Variants in DENND4A observed in about 807,000 individuals in gnomAD.
The protein encoded by DENND4A is C-myc promoter-binding protein.
In DENND4A, 70 loss-of-function variants were observed where a neutral mutation model predicts 199.3. That is an observed-to-expected ratio of 0.35 (90% confidence interval 0.29 to 0.43). DENND4A has a LOEUF of 0.43. Ranked by LOEUF, DENND4A falls within the 20% of genes least tolerant of loss-of-function variation. The probability of loss-of-function intolerance (pLI) is 1.00; values close to 1 mark genes in which losing one functional copy is unlikely to be tolerated. For missense variants in DENND4A, 1,723 were observed against 2,255.8 expected, an observed-to-expected ratio of 0.76 and a Z score of 4.78; for synonymous variants, 686 against 766.9, an observed-to-expected ratio of 0.89 and a Z score of 1.74.
In DENND4A at chr15:65,764,972, C is replaced by CAAAAA. The variant is rs35902836; in HGVS notation, c.-101-3539_-101-3535dup. On this transcript the variant is annotated intron_variant, in intron 1 of 32. Coordinates refer to ENST00000443035, the MANE Select transcript of DENND4A (RefSeq NM_001320835.1). Reference sequence around the variant, plus strand: ...GGGTGACAGAGCGAGACCCTGTCTCCAAAAAAAAAAAAAAAAAAAGTAACA... The same window carrying CAAAAA: ...GGGTGACAGAGCGAGACCCTGTCTCCAAAAAAAAAAAAAAAAAAAAAAAAGTAACA... Among the ~76,000 whole-genome samples the CAAAAA allele has an allele frequency of 8.8e-3, 844 of 95,642 alleles. 6 individuals are homozygous for CAAAAA. The highest frequency in any genetic ancestry group is 0.027 in the African/African-American group (705 of 25,720). 62.7% of individuals were successfully genotyped at this position (95,642 alleles called of 152,430 possible). A position where few individuals can be genotyped will look rare whatever the true frequency, so the allele number is the denominator to read the frequency against.
intron 11 of DENND4A, among the ~76,000 whole-genome samples, chr15:65,725,559 C>T (rs929866233): frequency 6.6e-6 from 1 of 151,914 alleles, no homozygotes; most frequent in African/African-American, 2.4e-5. Context: ...CACCTGTGGT[C>T]CCAGCTACTC....
rs143881569 is a variant in DENND4A, at chr15:65,674,721, G to A, written c.4369+1724C>T. On this transcript the variant is annotated intron_variant, in intron 24 of 32. Transcript: ENST00000443035. The stretch of plus-strand genomic sequence containing the variant: ...TGTACTCCAGCCTGAGCAACAGAGT[G>A]AGACCCTATCTTAAAAAAAAAAAAA... Among the ~76,000 whole-genome samples, 55 of 148,894 alleles carry A rather than the reference G, an allele frequency of 3.7e-4. 2 individuals carry two copies. The highest frequency in any genetic ancestry group is 1.3e-3 in the African/African-American group (54 of 40,330).
At chr15:65,676,244 G>C (rs2076380080) in intron 24 of DENND4A, among the ~76,000 whole-genome samples, 1 of 140,770 alleles carries the variant, frequency 7.1e-6, no homozygotes, top group African/African-American at 3.2e-5. Context: ...TCTAGGGATA[G>C]GGAGAAAACA....
chr15:65,741,374 G>A (rs2076257029), intron 5 of DENND4A, among the ~76,000 whole-genome samples: 1 of 152,138 alleles, frequency 6.6e-6, no homozygotes, highest in South Asian at 2.1e-4. Flanking sequence ...ATGATTTCAT[G>A]TGAACTACAG....
At chr15:65,705,651 T>C (rs753857380) in intron 15 of DENND4A, among the ~76,000 whole-genome samples, 2 of 152,164 alleles carry the variant, frequency 1.3e-5, no homozygotes, top group Non-Finnish European at 2.9e-5. Context: ...AAAAATTATA[T>C]CGTACAAATC....
intron 29 of DENND4A, 128 bp from the exon 30 acceptor site, chr15:65,665,590 T>A: frequency 4.8e-6 from 3 of 622,542 alleles, no homozygotes; most frequent in Non-Finnish European, 7.7e-6. Flanking sequence ...AGAAAAAGAC[T>A]GATTTATCTA....
At chr15:65,732,859 G>A (rs746428977) in intron 7 of DENND4A, 41 bp from the exon 8 acceptor site, 15 of 1,219,668 alleles carry the variant, frequency 1.2e-5, no homozygotes, top group Middle Eastern at 3.8e-4. Context: ...CAAAGTGAAC[G>A]TCATATGCTA....
Position 65,772,072 on chromosome 15 carries a change from G to A in DENND4A, c.-101-10634C>T, listed in dbSNP as rs185996594. 1,074 of 1,215,396 alleles carry A rather than the reference G, an allele frequency of 8.8e-4. 8 individuals are homozygous for A. The highest frequency in any genetic ancestry group is 2.4e-4 in the East Asian group (10 of 42,478). The allele number at this position is 1,215,396 out of a possible 1,614,324, so 75.3% of individuals were successfully genotyped here. A position where few individuals can be genotyped will look rare whatever the true frequency, so the allele number is the denominator to read the frequency against. On this transcript the variant is annotated intron_variant, in intron 1 of 32. Transcript: ENST00000443035. ...TGCAGGAAACGCTGGGCCTTCTCGC[G>A]GTTGCCAGCATTCAGAGCCTCCTGG...
intron 24 of DENND4A, among the ~76,000 whole-genome samples, chr15:65,675,787 T>C (rs1162083052): frequency 1.3e-5 from 2 of 152,096 alleles, no homozygotes; most frequent in Admixed American, 1.3e-4. Context: ...ATACTGGCAG[T>C]GGGAATGCAA....
Position 65,661,895 on chromosome 15 carries a change from C to G in DENND4A, c.5680G>C (p.Gly1894Arg). The change falls in exon 33 of 33, where the codon GGG becomes CGG. Residue 1894 changes from glycine (G) to arginine (R), a missense_variant. Transcript: ENST00000443035. ...THNCDRPPSTGVMECRKTFGE... is the reference protein window; with the variant it reads ...THNCDRPPSTRVMECRKTFGE... ...AAGGTTTTTCGACATTCCATCACCC[C>G]TGTACTTGGTGGTCTATCACAGTTG... 6.2e-7 allele frequency: 1 copy of G among 1,612,688 alleles called. No homozygotes were observed. Among genetic ancestry groups the G allele is most frequent in the Non-Finnish European group, 8.5e-7 (1 of 1,179,308 alleles).
chr15:65,729,073 G>A lies in DENND4A; in HGVS notation c.1486C>T (p.Gln496Ter). 1.3e-6 allele frequency: 2 copies of A among 1,578,530 alleles called. No individual in the cohort carries two copies. Among genetic ancestry groups the A allele is most frequent in the African/African-American group, 1.3e-5 (1 of 74,470 alleles). Reference sequence around the variant, plus strand: ...GTAGAATCACTAAAATGTACTTACTGAGAAATAGTGTTGGTATCTACATCA... The same window carrying A: ...GTAGAATCACTAAAATGTACTTACTAAGAAATAGTGTTGGTATCTACATCA... ...CVDVDTNTIS[Q>*]IGDKKNVAWK... Residue 496 changes from glutamine to a stop codon, truncating the protein, a stop_gained and splice_region_variant, in exon 11 of 33, where the codon CAA becomes TAA. Transcript: ENST00000443035. LOFTEE classifies it high-confidence loss of function.
At chr15:65,705,777 C>T (rs997673865) in intron 15 of DENND4A, among the ~76,000 whole-genome samples, 12 of 151,196 alleles carry the variant, frequency 7.9e-5, no homozygotes, top group South Asian at 4.2e-4. Flanking sequence ...CCAGCTTTAA[C>T]GAAAAAAAAA....
chr15:65,710,139 G>GT (rs2075203286), intron 14 of DENND4A, among the ~76,000 whole-genome samples: 1 of 152,060 alleles, frequency 6.6e-6, no homozygotes, highest in Non-Finnish European at 1.5e-5. Context: ...TCCTTAGGAC[G>GT]TAATACCCTA....
chr15:65,782,002 T>TA (rs545060166), intron 1 of DENND4A, among the ~76,000 whole-genome samples: 6 of 152,158 alleles, frequency 3.9e-5, no homozygotes, highest in Non-Finnish European at 8.8e-5. Context: ...AAGTAGAAAT[T>TA]AAACTACAGT....
At chr15:65,709,725 T>C (rs1173757912) in intron 14 of DENND4A, among the ~76,000 whole-genome samples, 2 of 119,368 alleles carry the variant, frequency 1.7e-5, no homozygotes, top group African/African-American at 6.0e-5. Flanking sequence ...AAAAAATATA[T>C]ATATATATAT....
rs1362750992 is a variant in DENND4A, at chr15:65,660,780, G to A, written c.*1071C>T. 1.3e-5 allele frequency: 2 copies of A among 151,968 alleles called. No individual in the cohort carries two copies. Among genetic ancestry groups the A allele is most frequent in the Non-Finnish European group, 2.9e-5 (2 of 68,260 alleles). 9.4% of individuals were successfully genotyped at this position (151,968 alleles called of 1,614,324 possible). On this transcript the variant is annotated 3_prime_UTR_variant, in exon 33 of 33. Coordinates refer to ENST00000443035, the MANE Select transcript of DENND4A (RefSeq NM_001320835.1). ...ATCTATCTGGCTGTACTTTTAGAGG[G>A]GAATTTTTCTACTTTTGAAAAAAAT... is the stretch of plus-strand genomic sequence containing the variant.
chr15:65,745,696 T>A (rs995258057), intron 4 of DENND4A, among the ~76,000 whole-genome samples: 6 of 152,116 alleles, frequency 3.9e-5, no homozygotes, highest in Non-Finnish European at 8.8e-5. Context: ...ACTTCAATAA[T>A]AACTTTGGTG....
chr15:65,775,180 CAAAAAAATTTTTTT>C (rs2077249626), intron 1 of DENND4A, among the ~76,000 whole-genome samples: 1 of 151,432 alleles, frequency 6.6e-6, no homozygotes, highest in Non-Finnish European at 1.5e-5. Flanking sequence ...CCCATCTCTA[CAAAAAAATTTTTTT>C]AATTAGCTGG....
rs1261794494 is a variant in DENND4A at position 65,690,288 on chromosome 15, T to A, written c.4179+127A>T. 46 of 974,830 alleles carry A rather than the reference T, an allele frequency of 4.7e-5. No individual in the cohort carries two copies. The East Asian group carries it at 1.4e-3, about 29-fold the overall frequency. The allele number at this position is 974,830 out of a possible 1,614,324, so 60.4% of individuals were successfully genotyped here. The stretch of plus-strand genomic sequence containing the variant: ...GTTCCAATTCTGATACTTACAAAAC[T>A]TACATACCCAATGAGTCCTTTTTAT... On this transcript the variant is annotated intron_variant, in intron 23 of 32. Transcript: ENST00000443035.
Sources: gnomAD v4.1 joint callset for allele counts (sites outside exome capture counted in the v4.1 genomes callset) on GRCh38, gnomAD v4.1.1 for gene constraint, MANE v1.5 for transcripts, NCBI Gene and HGNC (gene_info 2026-07-23, HGNC 2026-07-21) for gene names.